Variants in NRXN1 observed in about 807,000 individuals in gnomAD.
NRXN1 encodes the protein neurexin-1.
Under a neutral mutation model 150.9 loss-of-function variants are expected in NRXN1, and 39 were observed. That is an observed-to-expected ratio of 0.26 (90% CI 0.20 to 0.34). The LOEUF is 0.34. NRXN1 is among the 10% of genes least tolerant of loss of function. The pLI is 1.00. For missense variants in NRXN1, 1,815 were observed against 1,949.9 expected (o/e 0.93, Z 1.30); for synonymous variants, 924 against 757.0 (o/e 1.22, Z -3.62).
chr2:50,804,442 T>C (rs1667248101), intron 5 of NRXN1, among the ~76,000 whole-genome samples: 1 of 152,210 alleles, frequency 6.6e-6, no homozygotes, highest in African/African-American at 2.4e-5. Context: ...ATGTAATCGC[T>C]AGTACAATAT....
rs996910666 is a variant in NRXN1, at chr2:50,667,353, A to G, written c.833-43738T>C. Among the ~76,000 whole-genome samples the G allele has an allele frequency of 3.3e-5, 5 of 151,950 alleles. No homozygotes were observed. In the South Asian group the frequency reaches 8.3e-4, roughly 25 times the overall value. On this transcript the variant is annotated intron_variant, in intron 5 of 22. Coordinates refer to ENST00000401669, the MANE Select transcript of NRXN1 (RefSeq NM_001330078.2). The stretch of plus-strand genomic sequence containing the variant: ...CATTTAGTAAAGTGTTACAAATAGC[A>G]CTTGGTGAATGAAGGGCTTCAAATT...
In NRXN1 at chr2:50,771,354, G is replaced by T. The variant is rs571615302; in HGVS notation, c.833-147739C>A. 2.0e-5 allele frequency among the ~76,000 whole-genome samples: 3 copies of T among 151,918 alleles called. No homozygotes were observed. In the South Asian group the frequency reaches 6.2e-4, roughly 32 times the overall value. On this transcript the variant is annotated intron_variant, in intron 5 of 22. Coordinates refer to ENST00000401669, the MANE Select transcript of NRXN1 (RefSeq NM_001330078.2). ...AATAAAAAAAAATAAATTATTCATT[G>T]CAATTATCTTTGTCTTCAAGCAACT...
At chr2:49,977,571 A>T (rs1015205747) in intron 21 of NRXN1, among the ~76,000 whole-genome samples, 1 of 152,218 alleles carries the variant, frequency 6.6e-6, no homozygotes, top group African/African-American at 2.4e-5. Context: ...GGAGAAGAGA[A>T]GGGGACCAAG....
At chr2:50,666,869 GATGATGATGA>G (rs1458533200) in intron 5 of NRXN1, among the ~76,000 whole-genome samples, 2 of 87,058 alleles carry the variant, frequency 2.3e-5, no homozygotes, top group South Asian at 4.7e-4. Context: ...TGATGATGAT[GATGATGATGA>G]TGTGTGTGTG....
chr2:50,111,366 G>C (rs781059389), intron 18 of NRXN1, among the ~76,000 whole-genome samples: 1 of 152,084 alleles, frequency 6.6e-6, no homozygotes, highest in Admixed American at 6.6e-5. Context: ...ACTCTCATGC[G>C]GCATGGTGGT....
chr2:50,782,235 G>A (rs564993776), intron 5 of NRXN1, among the ~76,000 whole-genome samples: 3 of 152,124 alleles, frequency 2.0e-5, no homozygotes, highest in Admixed American at 6.6e-5. Flanking sequence ...TTGGGAGGCC[G>A]AGGAAGGCGG....
At chr2:49,947,514 C>CTTTT (rs199991365) in intron 21 of NRXN1, among the ~76,000 whole-genome samples, 11 of 109,002 alleles carry the variant, frequency 1.0e-4, no homozygotes, top group African/African-American at 1.3e-4. Context: ...TTTTTTTTTT[C>CTTTT]TTTTTTTTTT....
At chr2:51,006,303 C>A (rs1175404753) in intron 2 of NRXN1, among the ~76,000 whole-genome samples, 3 of 151,350 alleles carry the variant, frequency 2.0e-5, no homozygotes, top group South Asian at 2.1e-4. Flanking sequence ...GGACAAAAAA[C>A]CAAACACAGC....
intron 18 of NRXN1, among the ~76,000 whole-genome samples, chr2:50,094,288 T>C (rs1398879193): frequency 1.3e-5 from 2 of 152,078 alleles, no homozygotes; most frequent in Admixed American, 6.5e-5. Context: ...GCTTTTAGGG[T>C]CCTGAATTAA....
At chr2:50,364,184 A>C (rs1483537319) in intron 17 of NRXN1, among the ~76,000 whole-genome samples, 2 of 152,168 alleles carry the variant, frequency 1.3e-5, no homozygotes, top group Admixed American at 1.3e-4. Context: ...GCACATGTTT[A>C]CCCATGTAAC....
chr2:49,997,615 C>A lies in NRXN1; in HGVS notation c.4129-53824G>T, dbSNP rs185437064. ...GGTAAGGTCCTTTATTCATTTTTAT[C>A]CTAACATAGCCTTTGGCTTTGAGAA... On this transcript the variant is annotated intron_variant, in intron 21 of 22. Transcript: ENST00000401669. 7.2e-4 allele frequency among the ~76,000 whole-genome samples: 109 copies of A among 152,188 alleles called. No homozygotes were observed. In the Middle Eastern group the frequency reaches 0.017, roughly 24 times the overall value.
chr2:50,094,788 G>T (rs554470155), intron 18 of NRXN1, among the ~76,000 whole-genome samples: 17 of 151,494 alleles, frequency 1.1e-4, no homozygotes, highest in Non-Finnish European at 2.4e-4. Flanking sequence ...AAAGAACTTG[G>T]AATTGCAGTG....
chr2:49,975,530 A>C (rs1275750787), intron 21 of NRXN1, among the ~76,000 whole-genome samples: 1 of 152,116 alleles, frequency 6.6e-6, no homozygotes, highest in Non-Finnish European at 1.5e-5. Flanking sequence ...AACCCTGTCA[A>C]GTTTTTTTGC....
intron 21 of NRXN1, among the ~76,000 whole-genome samples, chr2:50,048,169 C>T (rs890136120): frequency 6.6e-6 from 1 of 152,160 alleles, no homozygotes; most frequent in African/African-American, 2.4e-5. Flanking sequence ...ACATTACACT[C>T]TTCTCACCAG....
intron 21 of NRXN1, among the ~76,000 whole-genome samples, chr2:50,012,113 TAAC>T (rs1312677520): frequency 6.6e-6 from 1 of 152,114 alleles, no homozygotes. Context: ...ATAAGGTTGG[TAAC>T]AACAATAATG....
chr2:50,566,540 C>T (rs1422631512), intron 8 of NRXN1, among the ~76,000 whole-genome samples: 1 of 151,952 alleles, frequency 6.6e-6, no homozygotes, highest in African/African-American at 2.4e-5. Flanking sequence ...CAGGCGTGAG[C>T]CACCGTGCCC....
chr2:51,030,790 A>G (rs181965014), intron 1 of NRXN1, among the ~76,000 whole-genome samples: 89 of 152,296 alleles, frequency 5.8e-4, no homozygotes, highest in African/African-American at 2.0e-3. Context: ...GGAATCTGCT[A>G]AATTTTCAGT....
chr2:50,313,113 AT>A (rs1473079920), intron 17 of NRXN1, among the ~76,000 whole-genome samples: 1 of 152,086 alleles, frequency 6.6e-6, no homozygotes, highest in Non-Finnish European at 1.5e-5. Flanking sequence ...TAGGTCAGGA[AT>A]TTTTTTCTGA....
intron 3 of NRXN1, among the ~76,000 whole-genome samples, chr2:50,923,061 G>T (rs1391091470): frequency 6.6e-6 from 1 of 151,788 alleles, no homozygotes; most frequent in Non-Finnish European, 1.5e-5. Flanking sequence ...CTTCAGTGAT[G>T]AAATTACATT....
Sources: allele counts gnomAD v4.1 joint callset (sites outside exome capture counted in the v4.1 genomes callset), GRCh38; gene constraint gnomAD v4.1.1; transcripts MANE v1.5; gene names NCBI Gene and HGNC (gene_info 2026-07-23, HGNC 2026-07-21).